Variants in TMEM87A observed in about 807,000 individuals in gnomAD.
TMEM87A encodes transmembrane protein 87A.
A neutral mutation model predicts 90.0 loss-of-function variants in TMEM87A; 50 were observed. The observed-to-expected ratio is 0.56, with a 90% CI of 0.44 to 0.70. TMEM87A has a LOEUF of 0.70. Among genes scored for constraint, TMEM87A ranks in the 30% least tolerant of loss-of-function variants. TMEM87A has a pLI of 0.00. For synonymous variants in TMEM87A, 226 were observed against 226.7 expected (o/e 1.00, Z 0.03); for missense variants, 577 against 660.5 (o/e 0.87, Z 1.39).
At chr15:42,244,310 A>T (rs1271394405) in intron 6 of TMEM87A, 143 bp from the exon 7 acceptor site, 1 of 563,520 alleles carries the variant, frequency 1.8e-6, no homozygotes, top group African/African-American at 2.0e-5. Context: ...CATTAGGCAC[A>T]ACAAACCAAA....
chr15:42,247,761 G>A (rs1340370343), intron 6 of TMEM87A, among the ~76,000 whole-genome samples: 1 of 152,100 alleles, frequency 6.6e-6, no homozygotes, highest in East Asian at 1.9e-4. Context: ...GATTGTCTTG[G>A]CAATGTGGGC....
chr15:42,250,932 C>A (rs1485733124), intron 6 of TMEM87A, among the ~76,000 whole-genome samples: 1 of 152,102 alleles, frequency 6.6e-6, no homozygotes. Flanking sequence ...AGGCTTTTTT[C>A]ATTTCTTTTT....
chr15:42,257,301 C>T (rs2051201777), intron 6 of TMEM87A, among the ~76,000 whole-genome samples: 1 of 151,828 alleles, frequency 6.6e-6, no homozygotes, highest in Admixed American at 6.6e-5. Context: ...CTATTGGTTC[C>T]TTGATTATTA....
chr15:42,264,699 A>ATATATATATTTTTTTT (rs10681614), intron 3 of TMEM87A, among the ~76,000 whole-genome samples: 1,226 of 109,302 alleles, frequency 0.011, 15 homozygotes, highest in South Asian at 0.036. Flanking sequence ...ATATATATAT[A>ATATATATATTTTTTTT]TTTTTTTTTT....
chr15:42,231,616 C>T (rs537620040), intron 11 of TMEM87A, among the ~76,000 whole-genome samples: 2 of 152,180 alleles, frequency 1.3e-5, no homozygotes, highest in South Asian at 2.1e-4. Context: ...ATTTTGGCTA[C>T]AAGTCTGAAA....
intron 11 of TMEM87A, 85 bp downstream of exon 11, chr15:42,233,128 C>T: frequency 1.7e-6 from 2 of 1,143,340 alleles, no homozygotes; most frequent in Non-Finnish European, 2.6e-6. Flanking sequence ...CAGAAAGAAG[C>T]CCACAGACAT....
At position 42,227,092 on chromosome 15, in the gene TMEM87A, C is replaced by A. The variant is rs541371792; in HGVS notation, c.1300-183G>T. On this transcript the variant is annotated intron_variant, in intron 14 of 19. Coordinates refer to ENST00000389834, the MANE Select transcript of TMEM87A (RefSeq NM_015497.5). ...AAAGTGAATGAATGTAGTTTTTGCCCTTGTAGTGCTTACTGTTGTTAAAGA... is the reference window on the plus strand; with the variant it reads ...AAAGTGAATGAATGTAGTTTTTGCCATTGTAGTGCTTACTGTTGTTAAAGA... 187 of 577,444 alleles carry A rather than the reference C, an allele frequency of 3.2e-4. 1 individual carries two copies. In the African/African-American group the frequency reaches 3.3e-3, roughly 10 times the overall value. The allele number at this position is 577,444 out of a possible 1,614,324, so 35.8% of individuals were successfully genotyped here.
chr15:42,246,788 T>A (rs1414283262), intron 6 of TMEM87A, among the ~76,000 whole-genome samples: 3 of 152,244 alleles, frequency 2.0e-5, no homozygotes, highest in Non-Finnish European at 4.4e-5. Context: ...GCATGATTTA[T>A]AATCATTTGG....
At chr15:42,227,631 A>T in intron 14 of TMEM87A, 80 bp downstream of exon 14, 4 of 1,328,786 alleles carry the variant, frequency 3.0e-6, no homozygotes, top group Non-Finnish European at 4.3e-6. Context: ...TATATAACTT[A>T]GAAGAACCTT....
At chr15:42,251,500 C>T (rs1323842276) in intron 6 of TMEM87A, among the ~76,000 whole-genome samples, 1 of 152,168 alleles carries the variant, frequency 6.6e-6, no homozygotes, top group East Asian at 1.9e-4. Context: ...GAGTCAGGTC[C>T]CTCAGCTGCA....
intron 19 of TMEM87A, among the ~76,000 whole-genome samples, chr15:42,216,356 TAA>T (rs1305381618): frequency 6.6e-6 from 1 of 152,200 alleles, no homozygotes; most frequent in Non-Finnish European, 1.5e-5. Flanking sequence ...CTAAAGGAGT[TAA>T]GAGAGTAGAT....
chr15:42,264,701 T>TA (rs1566941898), intron 3 of TMEM87A, among the ~76,000 whole-genome samples: 20 of 12,464 alleles, frequency 1.6e-3, no homozygotes, highest in African/African-American at 2.0e-3. Context: ...ATATATATAT[T>TA]TTTTTTTTAA....
chr15:42,241,798 G>T (rs1343733618), intron 7 of TMEM87A, among the ~76,000 whole-genome samples: 1 of 152,086 alleles, frequency 6.6e-6, no homozygotes, highest in African/African-American at 2.4e-5. Context: ...GACCAGCCTG[G>T]CCAACATGGT....
chr15:42,246,377 T>A (rs1371939765), intron 6 of TMEM87A, among the ~76,000 whole-genome samples: 1 of 152,186 alleles, frequency 6.6e-6, no homozygotes. Flanking sequence ...ACATGTGCCA[T>A]GTTGGTTTGT....
At chr15:42,233,162 TAAAC>T in intron 11 of TMEM87A, 47 bp downstream of exon 11, 1 of 1,470,320 alleles carries the variant, frequency 6.8e-7, no homozygotes, top group African/African-American at 1.4e-5. Flanking sequence ...TGTCAAGATG[TAAAC>T]AATATAATTG....
chr15:42,239,378 G>T (rs1206728656), intron 8 of TMEM87A, among the ~76,000 whole-genome samples: 1 of 152,060 alleles, frequency 6.6e-6, no homozygotes, highest in Non-Finnish European at 1.5e-5. Flanking sequence ...AAACAATAGA[G>T]TTGTAGTAAA....
intron 6 of TMEM87A, chr15:42,259,041 CCT>C (rs1174909104): frequency 1.4e-6 from 1 of 724,122 alleles, no homozygotes; most frequent in East Asian, 2.7e-5. Flanking sequence ...TATTCCCATT[CCT>C]CTCTCCCAAG....
chr15:42,261,759 G>A (rs1160538655), intron 4 of TMEM87A, among the ~76,000 whole-genome samples: 1 of 150,960 alleles, frequency 6.6e-6, no homozygotes, highest in East Asian at 2.0e-4. Context: ...TCAGCCTCCC[G>A]AATAGCTGGG....
At chr15:42,273,540 C>G (rs958300404), upstream of TMEM87A, 3 of 1,388,266 alleles carry the variant, frequency 2.2e-6, no homozygotes, top group Non-Finnish European at 1.9e-6. Context: ...GTAGCGGCCC[C>G]TCTCTCAGAC....
Sources: gnomAD v4.1 joint callset for allele counts (sites outside exome capture counted in the v4.1 genomes callset) on GRCh38, gnomAD v4.1.1 for gene constraint, MANE v1.5 for transcripts, NCBI Gene and HGNC (gene_info 2026-07-23, HGNC 2026-07-21) for gene names.